The following RAB1A variants were observed in gnomAD, a reference collection of about 807,000 sequenced individuals.
RAB1A encodes ras-related protein Rab-1A.
In RAB1A, 2 loss-of-function variants were observed where a neutral mutation model predicts 26.0. The observed-to-expected ratio is 0.08, with a 90% CI of 0.03 to 0.24. The LOEUF (loss-of-function observed/expected upper bound fraction) is 0.24. RAB1A is among the 10% of genes least tolerant of loss of function. RAB1A has a pLI of 1.00. For missense variants in RAB1A, 100 were observed against 247.0 expected, an observed-to-expected ratio of 0.40 and a Z score of 3.99; for synonymous variants, 84 against 84.9, an observed-to-expected ratio of 0.99 and a Z score of 0.06.
Position 65,129,877 on chromosome 2 carries a change from G to A in RAB1A, c.23+16C>T, listed in dbSNP as rs760983450. The A allele has an allele frequency of 6.3e-7, 1 of 1,593,606 alleles. No individual in the cohort carries two copies. Among genetic ancestry groups the A allele is most frequent in the Non-Finnish European group, 8.5e-7 (1 of 1,171,072 alleles). The stretch of plus-strand genomic sequence containing the variant: ...TGGCCCACGGACCCAGCCGACCGGT[G>A]CTCTCCTGAACTCACTATTCGGGAT... On this transcript the variant is annotated intron_variant, in intron 1 of 5. Coordinates refer to ENST00000409784, the MANE Select transcript of RAB1A (RefSeq NM_004161.5).
rs1670200350 is a variant in RAB1A, at chr2:65,129,937, G to A, written c.-22C>T. ...ACATGTCACTGCAGCTGCCGCCGCC[G>A]CCACCGCCGCCCTTGCTGCCGCAGC... On this transcript the variant is annotated 5_prime_UTR_variant, in exon 1 of 6. Coordinates refer to ENST00000409784, the MANE Select transcript of RAB1A (RefSeq NM_004161.5). 1.3e-6 allele frequency: 2 copies of A among 1,581,198 alleles called. No individual in the cohort carries two copies. The highest frequency in any genetic ancestry group is 1.2e-5 in the South Asian group (1 of 86,660).
In RAB1A at chr2:65,129,958, G is replaced by A; in HGVS notation, c.-43C>T. 15 of 1,569,034 alleles carry A rather than the reference G, an allele frequency of 9.6e-6. No homozygotes were observed. The highest frequency in any genetic ancestry group is 1.2e-5 in the Non-Finnish European group (14 of 1,158,112). Reference sequence around the variant, plus strand: ...CGCCGCCACCGCCGCCCTTGCTGCCGCAGCCGCCGCCCTGACTCTCCGCGC... The same window carrying A: ...CGCCGCCACCGCCGCCCTTGCTGCCACAGCCGCCGCCCTGACTCTCCGCGC... On this transcript the variant is annotated 5_prime_UTR_variant, in exon 1 of 6. Transcript: ENST00000409784.
intron 3 of RAB1A, among the ~76,000 whole-genome samples, chr2:65,096,179 G>T (rs1669278856): frequency 6.6e-6 from 1 of 151,420 alleles, no homozygotes; most frequent in South Asian, 2.1e-4. Context: ...TCCGGGCATG[G>T]TGGTACACAC....
chr2:65,128,382 C>T (rs1343238404), intron 1 of RAB1A, among the ~76,000 whole-genome samples: 2 of 152,090 alleles, frequency 1.3e-5, no homozygotes, highest in African/African-American at 2.4e-5. Flanking sequence ...TTTATTGTTA[C>T]CAAGAAAACT....
chr2:65,102,389 T>C (rs1054513502), intron 2 of RAB1A, among the ~76,000 whole-genome samples: 11 of 152,234 alleles, frequency 7.2e-5, no homozygotes, highest in African/African-American at 2.2e-4. Context: ...TTTAATATTT[T>C]TTAAATAACC....
At position 65,088,233 on chromosome 2, in the gene RAB1A, G is replaced by A. The variant is rs544342002; in HGVS notation, c.*260C>T. On this transcript the variant is annotated 3_prime_UTR_variant, in exon 6 of 6. Transcript: ENST00000409784. ...AACCACGGGAAACAGTCTGGTATCA[G>A]GAAAGCAACAAGGATTACACACATT... 1.6e-5 allele frequency: 6 copies of A among 368,130 alleles called. No homozygotes were observed. Among genetic ancestry groups the A allele is most frequent in the Non-Finnish European group, 4.8e-6 (1 of 206,276 alleles). The allele number at this position is 368,130 out of a possible 1,614,324, so 22.8% of individuals were successfully genotyped here.
At chr2:65,102,850 C>T (rs527796960) in intron 2 of RAB1A, among the ~76,000 whole-genome samples, 5 of 151,362 alleles carry the variant, frequency 3.3e-5, no homozygotes, top group South Asian at 4.2e-4. Context: ...TGCTTGAACC[C>T]GAGAAGCGGA....
At chr2:65,089,496 G>T (rs1266327392) in intron 4 of RAB1A, among the ~76,000 whole-genome samples, 1 of 152,050 alleles carries the variant, frequency 6.6e-6, no homozygotes, top group African/African-American at 2.4e-5. Context: ...ACAGGTGTTA[G>T]CCATTGCAGC....
chr2:65,114,864 C>CAA (rs35748219), intron 1 of RAB1A, among the ~76,000 whole-genome samples: 393 of 146,828 alleles, frequency 2.7e-3, no homozygotes, highest in African/African-American at 7.3e-3. Context: ...AAAAAAAAAA[C>CAA]AAAAAAAAAA....
Position 65,129,931 on chromosome 2 carries a change from G to GCCGCCGCCA in RAB1A, c.-25_-17dup, listed in dbSNP as rs764682089. The GCCGCCGCCA allele has an allele frequency of 1.7e-5, 27 of 1,584,290 alleles. No homozygotes were observed. The South Asian group carries it at 2.9e-4, about 17-fold the overall frequency. Reference sequence around the variant, plus strand: ...TGCTGGACATGTCACTGCAGCTGCCGCCGCCGCCACCGCCGCCCTTGCTGC... The same window carrying GCCGCCGCCA: ...TGCTGGACATGTCACTGCAGCTGCCGCCGCCGCCACCGCCGCCACCGCCGCCCTTGCTGC... On this transcript the variant is annotated 5_prime_UTR_variant, in exon 1 of 6. Coordinates refer to ENST00000409784, the MANE Select transcript of RAB1A (RefSeq NM_004161.5).
intron 1 of RAB1A, among the ~76,000 whole-genome samples, chr2:65,129,558 T>C (rs915420553): frequency 1.4e-5 from 2 of 145,620 alleles, no homozygotes; most frequent in Non-Finnish European, 3.0e-5. Context: ...AGACAAGTCC[T>C]CCTTCAAAAG....
chr2:65,114,774 G>T (rs929865958), intron 1 of RAB1A, among the ~76,000 whole-genome samples: 1 of 152,044 alleles, frequency 6.6e-6, no homozygotes. Flanking sequence ...GAACCCGGGA[G>T]GCGGAGCTTG....
At chr2:65,118,494 T>C (rs566928210) in intron 1 of RAB1A, among the ~76,000 whole-genome samples, 5 of 152,294 alleles carry the variant, frequency 3.3e-5, no homozygotes, top group South Asian at 2.1e-4. Context: ...GTTTGTTTTT[T>C]TGAGACAGAG....
rs537511031 is a variant in RAB1A, at chr2:65,114,667, C to A, written c.24-9861G>T. Among the ~76,000 whole-genome samples, 1,141 of 151,944 alleles carry A rather than the reference C, an allele frequency of 7.5e-3. 12 individuals carry two copies. The highest frequency in any genetic ancestry group is 0.026 in the African/African-American group (1,082 of 41,422). ...GACCATCCTGGCTAACAAGGTGAAA[C>A]CCCGTCTCTACTAAAAAAATACAAA... On this transcript the variant is annotated intron_variant, in intron 1 of 5. Coordinates refer to ENST00000409784, the MANE Select transcript of RAB1A (RefSeq NM_004161.5).
intron 1 of RAB1A, among the ~76,000 whole-genome samples, chr2:65,125,420 T>C (rs1006421818): frequency 6.7e-5 from 10 of 148,894 alleles, no homozygotes; most frequent in Admixed American, 2.0e-4. Context: ...TAAGTATTTC[T>C]TTCTTTTTTT....
At chr2:65,100,725 C>T (rs574964426) in intron 2 of RAB1A, among the ~76,000 whole-genome samples, 2 of 150,522 alleles carry the variant, frequency 1.3e-5, no homozygotes, top group Non-Finnish European at 2.9e-5. Flanking sequence ...CACGACTGCA[C>T]TCCAGCCTGG....
rs534620932 is a variant in RAB1A, at chr2:65,124,287, G to A, written c.23+5606C>T. On this transcript the variant is annotated intron_variant, in intron 1 of 5. Coordinates refer to ENST00000409784, the MANE Select transcript of RAB1A (RefSeq NM_004161.5). ...TGAGACACCTCGCCCAGCCAAAAGCGGGAAATTTTTTAATGCAAAATTTCA... is the reference window on the plus strand; with the variant it reads ...TGAGACACCTCGCCCAGCCAAAAGCAGGAAATTTTTTAATGCAAAATTTCA... Among the ~76,000 whole-genome samples the A allele has an allele frequency of 6.6e-5, 10 of 152,162 alleles. No homozygotes were observed. In the South Asian group the frequency reaches 8.3e-4, roughly 13 times the overall value.
rs192750685 is a variant in RAB1A, at chr2:65,093,288, C to G, written c.193-2210G>C. Among the ~76,000 whole-genome samples, 10 of 152,256 alleles carry G rather than the reference C, an allele frequency of 6.6e-5. No individual in the cohort carries two copies. In the East Asian group the frequency reaches 1.9e-3, roughly 29 times the overall value. On this transcript the variant is annotated intron_variant, in intron 3 of 5. Coordinates refer to ENST00000409784, the MANE Select transcript of RAB1A (RefSeq NM_004161.5). Reference sequence around the variant, plus strand: ...GTTTGTCTCTCCCATTGTCTGCCTCCTAATGGACTATGTTTTATTCATCTC... The same window carrying G: ...GTTTGTCTCTCCCATTGTCTGCCTCGTAATGGACTATGTTTTATTCATCTC...
chr2:65,088,793 G>A (rs1379052647), intron 5 of RAB1A, 103 bp from the exon 6 acceptor site: 3 of 1,296,542 alleles, frequency 2.3e-6, no homozygotes, highest in African/African-American at 3.0e-5. Flanking sequence ...AAGTTCATTG[G>A]ATCCAAACAG....
Sources: gnomAD v4.1 joint callset for allele counts (sites outside exome capture counted in the v4.1 genomes callset) on GRCh38, gnomAD v4.1.1 for gene constraint, MANE v1.5 for transcripts, NCBI Gene and HGNC (gene_info 2026-07-23, HGNC 2026-07-21) for gene names.